Variants in MAD1L1 observed in about 807,000 individuals in gnomAD.
MAD1L1 encodes mitotic spindle assembly checkpoint protein MAD1.
MAD1L1 carries 95 observed loss-of-function variants against 96.9 expected under a neutral mutation model. The ratio of observed to expected loss-of-function variants is 0.98; its 90% CI spans 0.83 to 1.16. The LOEUF (loss-of-function observed/expected upper bound fraction) is 1.16. Among genes scored for constraint, MAD1L1 ranks in the 50% most tolerant of loss-of-function variants. The pLI is 0.00. For missense variants in MAD1L1, 1,007 were observed against 954.4 expected (o/e 1.06, Z -0.73); for synonymous variants, 473 against 396.6 (o/e 1.19, Z -2.29).
chr7:2,149,879 G>A, intron 10 of MAD1L1, among the ~76,000 whole-genome samples: 1 of 152,362 alleles, frequency 6.6e-6, no homozygotes, highest in Non-Finnish European at 1.5e-5. Flanking sequence ...GACACAGCAA[G>A]GATCTGAGCC....
At chr7:2,228,003 T>G (rs1793993554) in intron 3 of MAD1L1, among the ~76,000 whole-genome samples, 1 of 151,154 alleles carries the variant, frequency 6.6e-6, no homozygotes, top group Admixed American at 6.6e-5. Flanking sequence ...AGGCCCTCCC[T>G]GCCACGCCGG....
At chr7:1,891,827 C>G (rs553558964) in intron 18 of MAD1L1, among the ~76,000 whole-genome samples, 2 of 152,332 alleles carry the variant, frequency 1.3e-5, no homozygotes, top group South Asian at 4.1e-4. Context: ...GCGATCCCCC[C>G]ACTTCAGCCT....
At position 1,837,544 on chromosome 7, in the gene MAD1L1, G is replaced by A. The variant is rs149794005; in HGVS notation, c.1999-21316C>T. Among the ~76,000 whole-genome samples the A allele has an allele frequency of 1.5e-3, 230 of 152,362 alleles. 2 individuals are homozygous for A. The highest frequency in any genetic ancestry group is 4.9e-3 in the African/African-American group (203 of 41,586). On this transcript the variant is annotated intron_variant, in intron 18 of 18. Coordinates refer to ENST00000265854, the MANE Select transcript of MAD1L1 (RefSeq NM_001013836.2). ...CAACAGCCCCAAGCTGGAAGCCACCGGAATGCCCGTCAACATCTGGATGGA... is the reference window on the plus strand; with the variant it reads ...CAACAGCCCCAAGCTGGAAGCCACCAGAATGCCCGTCAACATCTGGATGGA...
chr7:2,217,223 G>C (rs933629255), intron 7 of MAD1L1, among the ~76,000 whole-genome samples: 4 of 152,212 alleles, frequency 2.6e-5, no homozygotes, highest in Non-Finnish European at 5.9e-5. Context: ...CAGACAGCTG[G>C]CATCTGTGAG....
intron 6 of MAD1L1, 130 bp from the exon 7 acceptor site, chr7:2,218,173 A>T (rs113481850): frequency 3.0e-6 from 2 of 674,448 alleles, no homozygotes; most frequent in African/African-American, 3.5e-5. Context: ...AGGACCTCCC[A>T]CGGCACAGAC....
chr7:1,974,260 C>T (rs1050085796), intron 15 of MAD1L1, among the ~76,000 whole-genome samples: 1 of 152,200 alleles, frequency 6.6e-6, no homozygotes, highest in African/African-American at 2.4e-5. Flanking sequence ...AAGACCCAGC[C>T]GGATTCCTCG....
chr7:1,952,456 G>A (rs762631938), intron 16 of MAD1L1, among the ~76,000 whole-genome samples: 19 of 152,224 alleles, frequency 1.2e-4, no homozygotes, highest in Non-Finnish European at 2.5e-4. Context: ...TCACGGACGG[G>A]AAGCACCTCA....
chr7:1,876,090 C>T (rs936053298), intron 18 of MAD1L1, among the ~76,000 whole-genome samples: 13 of 152,148 alleles, frequency 8.5e-5, no homozygotes, highest in East Asian at 3.9e-4. Flanking sequence ...GGCTCTGTGA[C>T]GGCAACCCCA....
chr7:1,954,086 C>T (rs1228194278), intron 16 of MAD1L1, among the ~76,000 whole-genome samples: 1 of 152,222 alleles, frequency 6.6e-6, no homozygotes, highest in Non-Finnish European at 1.5e-5. Flanking sequence ...TGCCCCAGCT[C>T]GGTGCCCTCC....
chr7:2,136,677 C>T lies in MAD1L1; in HGVS notation c.1073+12475G>A, dbSNP rs537943770. 4.4e-4 allele frequency among the ~76,000 whole-genome samples: 67 copies of T among 152,338 alleles called. 1 individual carries two copies. In the South Asian group the frequency reaches 0.014, roughly 31 times the overall value. On this transcript the variant is annotated intron_variant, in intron 11 of 18. Transcript: ENST00000265854. ...CTGCATTCCTCGGTGGGGGCCCTTCCCATCTCTTGGCATCTCCTCGGGGCT... is the reference window on the plus strand; with the variant it reads ...CTGCATTCCTCGGTGGGGGCCCTTCTCATCTCTTGGCATCTCCTCGGGGCT...
intron 18 of MAD1L1, among the ~76,000 whole-genome samples, chr7:1,858,484 C>T (rs1475441776): frequency 1.3e-5 from 2 of 152,236 alleles, no homozygotes; most frequent in African/African-American, 2.4e-5. Context: ...ACGGCGTCTC[C>T]GGCTCCCATG....
intron 10 of MAD1L1, among the ~76,000 whole-genome samples, chr7:2,193,090 A>T (rs1044976666): frequency 4.6e-5 from 7 of 152,226 alleles, no homozygotes; most frequent in Non-Finnish European, 7.3e-5. Context: ...CCCGGAGCTC[A>T]GCACTCGTGG....
intron 18 of MAD1L1, among the ~76,000 whole-genome samples, chr7:1,892,388 A>C (rs1055775253): frequency 2.0e-5 from 3 of 152,110 alleles, no homozygotes; most frequent in Non-Finnish European, 4.4e-5. Context: ...ACATATACAC[A>C]CAGGTGAGTG....
intron 16 of MAD1L1, among the ~76,000 whole-genome samples, chr7:1,945,586 A>T (rs1159142719): frequency 6.6e-6 from 1 of 152,062 alleles, no homozygotes; most frequent in African/African-American, 2.4e-5. Context: ...CCCACCCTGG[A>T]GATGAAGGGA....
At chr7:1,945,222 T>C (rs903185309) in intron 16 of MAD1L1, among the ~76,000 whole-genome samples, 1 of 152,152 alleles carries the variant, frequency 6.6e-6, no homozygotes, top group Non-Finnish European at 1.5e-5. Flanking sequence ...GCCTAAACAC[T>C]CATCTCAGTA....
intron 18 of MAD1L1, among the ~76,000 whole-genome samples, chr7:1,881,278 T>C (rs1785665729): frequency 6.6e-6 from 1 of 152,200 alleles, no homozygotes; most frequent in Non-Finnish European, 1.5e-5. Flanking sequence ...TGTTCCATTA[T>C]TGGAACACTA....
chr7:2,014,878 G>A (rs1436600438), intron 12 of MAD1L1, among the ~76,000 whole-genome samples: 2 of 152,254 alleles, frequency 1.3e-5, no homozygotes, highest in African/African-American at 4.8e-5. Context: ...CACCCGCTCT[G>A]ACCACGTCAG....
At chr7:1,964,786 C>T (rs12666575) in intron 15 of MAD1L1, among the ~76,000 whole-genome samples, 44,559 of 152,152 alleles carry the variant, frequency 0.29, 7,835 homozygotes, top group East Asian at 0.47. Context: ...CCATCACACA[C>T]GGGGGAAACT....
chr7:1,854,159 A>ACCCCCG (rs1784121579), intron 18 of MAD1L1, among the ~76,000 whole-genome samples: 3 of 152,016 alleles, frequency 2.0e-5, no homozygotes, highest in South Asian at 4.2e-4. Flanking sequence ...GGGCACCTCC[A>ACCCCCG]CCCCCGCCCC....
Sources: allele counts gnomAD v4.1 joint callset (sites outside exome capture counted in the v4.1 genomes callset), GRCh38; gene constraint gnomAD v4.1.1; transcripts MANE v1.5; gene names NCBI Gene and HGNC (gene_info 2026-07-23, HGNC 2026-07-21).